The following CSMD1 variants were observed in gnomAD, a reference collection of about 807,000 sequenced individuals.
CSMD1 encodes the protein CUB and sushi domain-containing protein 1.
CSMD1 carries 213 observed loss-of-function variants against 417.5 expected under a neutral mutation model. The ratio of observed to expected loss-of-function variants is 0.51; its 90% CI spans 0.46 to 0.57. The LOEUF is 0.57. CSMD1 is among the 20% of genes least tolerant of loss of function. The pLI, the probability that CSMD1 is intolerant of heterozygous loss-of-function variation, is 0.00. For missense variants in CSMD1, 6,923 were observed against 4,529.7 expected, an observed-to-expected ratio of 1.53 and a Z score of -15.17; for synonymous variants, 2,862 against 1,736.8, an observed-to-expected ratio of 1.65 and a Z score of -16.11.
At chr8:3,061,678 A>G (rs1245995787) in intron 49 of CSMD1, among the ~76,000 whole-genome samples, 1 of 152,230 alleles carries the variant, frequency 6.6e-6, no homozygotes, top group African/African-American at 2.4e-5. Context: ...GGTGGTAGAA[A>G]TGACAAAGTT....
At chr8:3,770,451 C>T (rs1312490099) in intron 5 of CSMD1, among the ~76,000 whole-genome samples, 6 of 152,136 alleles carry the variant, frequency 3.9e-5, no homozygotes, top group African/African-American at 7.2e-5. Flanking sequence ...TTCTCTTGAA[C>T]CCAAGAGGCA....
rs188601831 is a variant in CSMD1 at position 3,497,791 on chromosome 8, T to C, written c.1345-4065A>G. ...TTCTGGTTGTTTTGCACATCCTCTA[T>C]TCCATTCTCATTCTCTTCTTGGTTA... On this transcript the variant is annotated intron_variant, in intron 10 of 69. Coordinates refer to ENST00000635120, the MANE Select transcript of CSMD1 (RefSeq NM_033225.6). Among the ~76,000 whole-genome samples the C allele has an allele frequency of 7.9e-5, 12 of 152,336 alleles. 1 individual carries two copies. The highest frequency in any genetic ancestry group is 7.2e-4 in the Admixed American group (11 of 15,306).
chr8:3,828,739 A>T (rs778314116), intron 5 of CSMD1, among the ~76,000 whole-genome samples: 3 of 152,102 alleles, frequency 2.0e-5, no homozygotes, highest in Non-Finnish European at 4.4e-5. Context: ...CTCACCAGAG[A>T]GACCTTACTA....
intron 52 of CSMD1, among the ~76,000 whole-genome samples, chr8:3,001,156 T>A (rs1807375945): frequency 6.6e-6 from 1 of 151,986 alleles, no homozygotes; most frequent in Admixed American, 6.6e-5. Flanking sequence ...CTGAGTAATT[T>A]TTTTATTATT....
intron 3 of CSMD1, among the ~76,000 whole-genome samples, chr8:4,061,241 C>G (rs1585229434): frequency 6.6e-6 from 1 of 152,114 alleles, no homozygotes; most frequent in Non-Finnish European, 1.5e-5. Flanking sequence ...GAAAGAGGAG[C>G]TGTTCTAAGT....
chr8:4,770,743 A>G (rs1045549013), intron 1 of CSMD1, among the ~76,000 whole-genome samples: 7 of 152,148 alleles, frequency 4.6e-5, no homozygotes, highest in African/African-American at 1.7e-4. Context: ...TGGTGTTAGG[A>G]AAACAAGATT....
At chr8:3,817,236 G>C (rs565522269) in intron 5 of CSMD1, among the ~76,000 whole-genome samples, 1 of 125,266 alleles carries the variant, frequency 8.0e-6, no homozygotes, top group Non-Finnish European at 1.7e-5. Context: ...ATCCAAAGTG[G>C]TCATATCTTC....
intron 1 of CSMD1, among the ~76,000 whole-genome samples, chr8:4,926,401 T>C (rs191855274): frequency 3.3e-5 from 5 of 152,230 alleles, no homozygotes; most frequent in Non-Finnish European, 5.9e-5. Context: ...TTGTGAGATC[T>C]ACGCATGTGG....
intron 12 of CSMD1, among the ~76,000 whole-genome samples, chr8:3,451,532 A>G (rs1341894643): frequency 1.3e-5 from 2 of 152,208 alleles, no homozygotes; most frequent in Non-Finnish European, 2.9e-5. Flanking sequence ...CTTTCTACAT[A>G]TAGCTAGCCA....
At chr8:4,689,660 A>G (rs1563147666) in intron 1 of CSMD1, among the ~76,000 whole-genome samples, 1 of 152,184 alleles carries the variant, frequency 6.6e-6, no homozygotes, top group Non-Finnish European at 1.5e-5. Context: ...TGAGGCACCC[A>G]AGTAATCTTT....
At position 4,236,268 on chromosome 8, in the gene CSMD1, G is replaced by C. The variant is rs1802054469; in HGVS notation, c.415+183685C>G. ...TTCCTGAGGGGCTTTATTTGTAATT[G>C]GCACACTGATCGGAATTCTTACAGA... On this transcript the variant is annotated intron_variant, in intron 3 of 69. Transcript: ENST00000635120. Among the ~76,000 whole-genome samples the C allele has an allele frequency of 2.0e-5, 3 of 151,874 alleles. No individual in the cohort carries two copies. The South Asian group carries it at 6.2e-4, about 32-fold the overall frequency.
intron 5 of CSMD1, among the ~76,000 whole-genome samples, chr8:3,819,662 C>A (rs553066096): frequency 6.6e-6 from 1 of 152,072 alleles, no homozygotes; most frequent in African/African-American, 2.4e-5. Context: ...TGACTCACTG[C>A]GGCCTTGGCC....
Position 3,396,287 on chromosome 8 carries a change from G to C in CSMD1, c.2500C>G (p.Pro834Ala). ...LIGEYHGTQA[P>A]QFLISTGNFM... ...TTCCCGGTGCTGATGAGGAACTGGG[G>C]TGCCTGGGTGCCGTGGTACTCGCCG... Residue 834 changes from proline to alanine, a missense_variant, in exon 17 of 70, where the codon CCC becomes GCC. Physicochemically the swap from Pro to Ala is conservative, Grantham distance 27 (BLOSUM62 -1). Coordinates refer to ENST00000635120, the MANE Select transcript of CSMD1 (RefSeq NM_033225.6). 1 of 1,602,052 alleles carries C rather than the reference G, an allele frequency of 6.2e-7. No homozygotes were observed. The highest frequency in any genetic ancestry group is 8.5e-7 in the Non-Finnish European group (1 of 1,174,166).
chr8:4,875,906 G>A (rs183680934), intron 1 of CSMD1, among the ~76,000 whole-genome samples: 20 of 152,060 alleles, frequency 1.3e-4, no homozygotes, highest in African/African-American at 4.8e-4. Context: ...TTACTCAAAA[G>A]AGTCTTTAAT....
intron 23 of CSMD1, among the ~76,000 whole-genome samples, chr8:3,312,426 T>TC (rs1274298351): frequency 1.3e-5 from 2 of 152,202 alleles, no homozygotes; most frequent in Non-Finnish European, 2.9e-5. Context: ...GCCTCTAGGC[T>TC]TGTGTGATGT....
chr8:4,115,432 A>T (rs1802082430), intron 3 of CSMD1, among the ~76,000 whole-genome samples: 1 of 152,216 alleles, frequency 6.6e-6, no homozygotes, highest in Non-Finnish European at 1.5e-5. Flanking sequence ...TTATAGTCTA[A>T]AACTGAATCT....
At chr8:4,771,929 C>A (rs908626916) in intron 1 of CSMD1, among the ~76,000 whole-genome samples, 1 of 152,162 alleles carries the variant, frequency 6.6e-6, no homozygotes, top group Admixed American at 6.5e-5. Context: ...TACTCTAGCC[C>A]ATCCCGGGGA....
intron 3 of CSMD1, among the ~76,000 whole-genome samples, chr8:4,343,374 T>C (rs956355974): frequency 4.6e-5 from 7 of 152,060 alleles, no homozygotes; most frequent in Non-Finnish European, 8.8e-5. Flanking sequence ...CTGAATTTAA[T>C]ATTCTCTTGC....
intron 2 of CSMD1, among the ~76,000 whole-genome samples, chr8:4,424,517 A>G (rs1041956276): frequency 6.6e-6 from 1 of 152,062 alleles, no homozygotes; most frequent in Non-Finnish European, 1.5e-5. Flanking sequence ...AGCCAATCAG[A>G]ATAGCTGAAA....
Sources: allele counts gnomAD v4.1 joint callset (sites outside exome capture counted in the v4.1 genomes callset), GRCh38; gene constraint gnomAD v4.1.1; transcripts MANE v1.5; gene names NCBI Gene and HGNC (gene_info 2026-07-23, HGNC 2026-07-21).